CPE: variants seen among roughly 807,000 people sequenced by gnomAD.
CPE encodes carbocypeptidase E.
A neutral mutation model predicts 53.5 loss-of-function variants in CPE; 17 were observed. The ratio of observed to expected loss-of-function variants is 0.32; its 90% CI spans 0.22 to 0.48. CPE has a LOEUF of 0.48. CPE is among the 20% of genes least tolerant of loss of function. CPE has a pLI of 0.99. For missense variants in CPE, 524 were observed against 614.7 expected (o/e 0.85, Z 1.56); for synonymous variants, 226 against 228.8 (o/e 0.99, Z 0.11).
At chr4:165,405,530 T>A in intron 1 of CPE, 1 of 954,232 alleles carries the variant, frequency 1.0e-6, no homozygotes, top group Non-Finnish European at 1.7e-6. Flanking sequence ...GTAAATCTGT[T>A]GCCTGACAAA....
chr4:165,386,893 C>T (rs1730603074), intron 1 of CPE, among the ~76,000 whole-genome samples: 2 of 152,092 alleles, frequency 1.3e-5, no homozygotes, highest in Admixed American at 6.5e-5. Flanking sequence ...TTTCCTTTTT[C>T]TCATGAAATG....
Position 165,379,665 on chromosome 4 carries a change from T to G in CPE, c.307+137T>G. 2 of 908,370 alleles carry G rather than the reference T, an allele frequency of 2.2e-6. No homozygotes were observed. Among genetic ancestry groups the G allele is most frequent in the Non-Finnish European group, 3.1e-6 (2 of 639,960 alleles). The allele number at this position is 908,370 out of a possible 1,614,324, so 56.3% of individuals were successfully genotyped here. A position where few individuals can be genotyped will look rare whatever the true frequency, so the allele number is the denominator to read the frequency against. ...GGTAAAAGGTATCTAAGGTGGAAGG[T>G]GGGAAGTGGAGGGAGGGATGGAAAT... On this transcript the variant is annotated intron_variant, in intron 1 of 8. Coordinates refer to ENST00000402744, the MANE Select transcript of CPE (RefSeq NM_001873.4). The surrounding 1 kb of genome is among the most constrained non-coding windows in gnomAD (Gnocchi z 6.0).
chr4:165,474,174 T>C (rs1421237697), intron 3 of CPE, among the ~76,000 whole-genome samples: 1 of 152,236 alleles, frequency 6.6e-6, no homozygotes, highest in East Asian at 1.9e-4. Flanking sequence ...GTTTCTGCAT[T>C]TTTCCTTCTC....
intron 1 of CPE, among the ~76,000 whole-genome samples, chr4:165,416,248 T>C (rs1579251430): frequency 6.6e-6 from 1 of 152,144 alleles, no homozygotes; most frequent in Non-Finnish European, 1.5e-5. Flanking sequence ...AGAAGGCACA[T>C]GGGAGGGTCT....
At chr4:165,409,645 A>C (rs1731006452) in intron 1 of CPE, among the ~76,000 whole-genome samples, 1 of 152,228 alleles carries the variant, frequency 6.6e-6, no homozygotes, top group Non-Finnish European at 1.5e-5. Context: ...TTGATAAAGA[A>C]AATATCAATA....
chr4:165,477,744 A>G (rs2126708840), intron 3 of CPE, among the ~76,000 whole-genome samples: 1 of 152,116 alleles, frequency 6.6e-6, no homozygotes, highest in South Asian at 2.1e-4. Flanking sequence ...AAAAAAAAGA[A>G]ATTCATATTC....
chr4:165,404,161 C>T (rs1730916352), intron 1 of CPE: 4 of 762,138 alleles, frequency 5.2e-6, no homozygotes, highest in Non-Finnish European at 9.8e-6. Flanking sequence ...ACTTCTTGAG[C>T]CGGTCCACTA....
intron 3 of CPE, among the ~76,000 whole-genome samples, chr4:165,473,771 A>AGGT (rs1553977801): frequency 6.6e-6 from 1 of 151,816 alleles, no homozygotes; most frequent in Admixed American, 6.6e-5. Context: ...TTTGGAGGAG[A>AGGT]GTTCAGAGAA....
intron 1 of CPE, among the ~76,000 whole-genome samples, chr4:165,441,304 G>A (rs1731605157): frequency 6.6e-6 from 1 of 152,192 alleles, no homozygotes; most frequent in Admixed American, 6.5e-5. Flanking sequence ...ATTTGAGGAA[G>A]TGGCTCCTAT....
chr4:165,473,474 A>T (rs777559455), intron 3 of CPE, among the ~76,000 whole-genome samples: 1 of 152,256 alleles, frequency 6.6e-6, no homozygotes, highest in Non-Finnish European at 1.5e-5. Context: ...ATACTGCAGA[A>T]GTTATCCCCC....
intron 1 of CPE, among the ~76,000 whole-genome samples, chr4:165,396,606 G>A (rs1376762454): frequency 6.6e-6 from 1 of 151,474 alleles, no homozygotes; most frequent in Admixed American, 6.6e-5. Flanking sequence ...GGGAGGTGGA[G>A]GTTGCAGTGA....
chr4:165,408,743 A>G (rs1730991717), intron 1 of CPE, among the ~76,000 whole-genome samples: 1 of 152,202 alleles, frequency 6.6e-6, no homozygotes, highest in Admixed American at 6.5e-5. Context: ...AGGGATTCTG[A>G]TGCCACTGGT....
intron 3 of CPE, among the ~76,000 whole-genome samples, chr4:165,474,839 T>A (rs930824720): frequency 6.6e-6 from 1 of 152,222 alleles, no homozygotes; most frequent in East Asian, 1.9e-4. Flanking sequence ...CAGAGCATTG[T>A]AGCAACAAAA....
chr4:165,440,751 C>G (rs1185226587), intron 1 of CPE, among the ~76,000 whole-genome samples: 1 of 151,846 alleles, frequency 6.6e-6, no homozygotes, highest in African/African-American at 2.4e-5. Flanking sequence ...AAATATTTGC[C>G]TTGAGGGGTT....
intron 1 of CPE, among the ~76,000 whole-genome samples, chr4:165,400,806 C>A (rs963460112): frequency 6.6e-6 from 1 of 152,194 alleles, no homozygotes; most frequent in Non-Finnish European, 1.5e-5. Context: ...GAACTCATAT[C>A]ATTGTGGCAG....
Position 165,487,519 on chromosome 4 carries a change from A to G in CPE, c.1055A>G (p.Glu352Gly). 1.9e-6 allele frequency: 3 copies of G among 1,614,154 alleles called. No homozygotes were observed. Among genetic ancestry groups the G allele is most frequent in the Non-Finnish European group, 2.5e-6 (3 of 1,180,006 alleles). ...ELSCEKFPPEETLKTYWEDNK... is the reference protein window; with the variant it reads ...ELSCEKFPPEGTLKTYWEDNK... ...AGCTGTGAGAAGTTCCCACCTGAAG[A>G]GACTCTGAAGACCTACTGGGAGGAT... The change falls in exon 6 of 9, where the codon GAG (glutamate) becomes GGG (glycine). Residue 352 changes from glutamate to glycine, a missense_variant. Physicochemically the swap from Glu to Gly is moderately conservative, Grantham distance 98. Transcript: ENST00000402744.
intron 1 of CPE, among the ~76,000 whole-genome samples, chr4:165,425,798 T>G (rs1036315990): frequency 6.6e-6 from 1 of 151,402 alleles, no homozygotes; most frequent in Non-Finnish European, 1.5e-5. Context: ...CTGGGGAGAG[T>G]AGGGATGGAA....
At chr4:165,482,382 T>G (rs1263727892) in intron 4 of CPE, 23 bp downstream of exon 4, 2 of 1,512,420 alleles carry the variant, frequency 1.3e-6, no homozygotes, top group Non-Finnish European at 1.8e-6. Flanking sequence ...TCTGCTTCTC[T>G]TATTGGTTCA....
intron 1 of CPE, among the ~76,000 whole-genome samples, chr4:165,413,387 C>T (rs1441280929): frequency 6.6e-6 from 1 of 152,106 alleles, no homozygotes; most frequent in African/African-American, 2.4e-5. Context: ...CATGGTGACC[C>T]AGAACATGTA....
Sources: allele counts gnomAD v4.1 joint callset (sites outside exome capture counted in the v4.1 genomes callset), GRCh38; gene constraint gnomAD v4.1.1; non-coding constraint Gnocchi (gnomAD v3.1); transcripts MANE v1.5; gene names NCBI Gene and HGNC (gene_info 2026-07-23, HGNC 2026-07-21).